Variants in FGF14 observed in about 807,000 individuals in gnomAD.
FGF14 encodes the protein fibroblast growth factor 14.
Under a neutral mutation model 25.5 loss-of-function variants are expected in FGF14, and 5 were observed. The observed-to-expected ratio is 0.20, with a 90% CI of 0.10 to 0.41. The LOEUF is 0.41. Among genes scored for constraint, FGF14 ranks in the 10% least tolerant of loss-of-function variants. FGF14 has a pLI of 1.00. For synonymous variants in FGF14, 138 were observed against 118.3 expected (o/e 1.17, Z -1.08); for missense variants, 222 against 320.1 (o/e 0.69, Z 2.34).
chr13:101,981,042 G>C (rs891564249), intron 1 of FGF14, among the ~76,000 whole-genome samples: 11 of 148,888 alleles, frequency 7.4e-5, no homozygotes, highest in Non-Finnish European at 1.6e-4. Flanking sequence ...AGGAGTTTCA[G>C]ACCAGCCTGG....
At chr13:102,094,841 C>T (rs1369181834) in intron 1 of FGF14, among the ~76,000 whole-genome samples, 4 of 152,060 alleles carry the variant, frequency 2.6e-5, no homozygotes, top group Non-Finnish European at 4.4e-5. Flanking sequence ...GACAATGCTC[C>T]GGCCACCTAG....
chr13:102,258,624 G>GGGTC (rs1485312459), intron 1 of FGF14, among the ~76,000 whole-genome samples: 1 of 152,136 alleles, frequency 6.6e-6, no homozygotes, highest in Non-Finnish European at 1.5e-5. Flanking sequence ...GGCAGCAGAT[G>GGGTC]GGTCGCTCCA....
intron 3 of FGF14, among the ~76,000 whole-genome samples, chr13:101,773,410 AT>A (rs373532957): frequency 0.015 from 2,178 of 149,622 alleles, 52 homozygotes; most frequent in African/African-American, 0.049. Flanking sequence ...ACTTGTGGGC[AT>A]TTTTTTTTTC....
chr13:101,975,830 T>A (rs2037888398), intron 1 of FGF14, among the ~76,000 whole-genome samples: 1 of 152,200 alleles, frequency 6.6e-6, no homozygotes, highest in Admixed American at 6.5e-5. Flanking sequence ...CATCACTATA[T>A]CCTGTTTTTG....
chr13:102,161,570 A>AAGAAGAAGAAGAAGAAAGAAGAAG, intron 1 of FGF14, among the ~76,000 whole-genome samples: 1 of 5,656 alleles, frequency 1.8e-4, no homozygotes, highest in Non-Finnish European at 2.4e-4. Context: ...TTCTGTGAAG[A>AAGAAGAAGAAGAAGAAAGAAGAAG]AAGAAAGAAG....
intron 1 of FGF14, among the ~76,000 whole-genome samples, chr13:101,923,673 A>C (rs2034165780): frequency 2.0e-5 from 3 of 152,088 alleles, no homozygotes; most frequent in African/African-American, 4.8e-5. Flanking sequence ...ATTTTCAAAA[A>C]CCAAGTGATT....
chr13:101,919,390 G>A (rs2033826247), upstream of FGF14, among the ~76,000 whole-genome samples: 1 of 151,442 alleles, frequency 6.6e-6, no homozygotes, highest in African/African-American at 2.4e-5. Flanking sequence ...AACACACCTA[G>A]TTTATTTTTA....
At chr13:102,165,705 C>T (rs1484211371) in intron 1 of FGF14, among the ~76,000 whole-genome samples, 1 of 147,558 alleles carries the variant, frequency 6.8e-6, no homozygotes, top group African/African-American at 2.5e-5. Flanking sequence ...AGGAGATATA[C>T]CTAATGCTAA....
intron 1 of FGF14, among the ~76,000 whole-genome samples, chr13:102,066,464 CAATT>C (rs1253822207): frequency 2.0e-5 from 3 of 152,118 alleles, no homozygotes; most frequent in African/African-American, 7.2e-5. Flanking sequence ...TCACCAAAGA[CAATT>C]AAAAGTAAGG....
At chr13:102,142,338 T>C (rs1009789179) in intron 1 of FGF14, among the ~76,000 whole-genome samples, 21 of 152,026 alleles carry the variant, frequency 1.4e-4, no homozygotes, top group Admixed American at 1.3e-4. Flanking sequence ...CACACAATAC[T>C]GTGCTTGAGT....
At chr13:101,846,253 T>C (rs2043453077) in intron 3 of FGF14, among the ~76,000 whole-genome samples, 2 of 151,952 alleles carry the variant, frequency 1.3e-5, no homozygotes, top group South Asian at 4.1e-4. Flanking sequence ...TTTTTTCCTA[T>C]GGGCATATCA....
intron 1 of FGF14, among the ~76,000 whole-genome samples, chr13:102,043,550 G>A (rs1182783958): frequency 1.3e-5 from 2 of 152,144 alleles, no homozygotes; most frequent in Non-Finnish European, 2.9e-5. Context: ...TCAAATTGGG[G>A]TATAACTCTA....
At chr13:101,964,618 C>T (rs1450216387) in intron 1 of FGF14, among the ~76,000 whole-genome samples, 2 of 152,168 alleles carry the variant, frequency 1.3e-5, no homozygotes, top group Non-Finnish European at 2.9e-5. Context: ...AGACTTGAGA[C>T]TCTTCCATGT....
chr13:101,723,485 A>G (rs1445935321), intron 4 of FGF14, among the ~76,000 whole-genome samples: 1 of 152,214 alleles, frequency 6.6e-6, no homozygotes, highest in East Asian at 1.9e-4. Flanking sequence ...ACTAGTGTCA[A>G]CTTCAAAGCT....
intron 1 of FGF14, among the ~76,000 whole-genome samples, chr13:102,210,378 G>T (rs1308257215): frequency 6.6e-6 from 1 of 152,062 alleles, no homozygotes; most frequent in African/African-American, 2.4e-5. Flanking sequence ...GTAGTTTCCA[G>T]ATATAATCAT....
chr13:102,204,645 C>T (rs2049823367), intron 1 of FGF14, among the ~76,000 whole-genome samples: 1 of 152,128 alleles, frequency 6.6e-6, no homozygotes, highest in African/African-American at 2.4e-5. Context: ...CTCCCAGGTT[C>T]AAGCAATTCT....
chr13:101,994,724 C>T lies in FGF14; in HGVS notation c.209-119428G>A, dbSNP rs147173701. 2.0e-3 allele frequency among the ~76,000 whole-genome samples: 311 copies of T among 152,090 alleles called. 1 individual carries two copies. The highest frequency in any genetic ancestry group is 7.2e-3 in the African/African-American group (300 of 41,526). On this transcript the variant is annotated intron_variant, in intron 1 of 4. Coordinates refer to the FGF14 transcript ENST00000376131. ...AGTAGCATGCAAAATTAAATATGAG[C>T]TAATATAAACACATTCTGCTAAATT...
At chr13:101,967,609 T>A (rs1446250303) in intron 1 of FGF14, 1 of 153,108 alleles carries the variant, frequency 6.5e-6, no homozygotes, top group African/African-American at 2.4e-5. Context: ...TCTCATTGAT[T>A]CCTCTAATCA....
chr13:101,926,883 C>T (rs1278741241), intron 1 of FGF14, among the ~76,000 whole-genome samples: 3 of 152,162 alleles, frequency 2.0e-5, no homozygotes, highest in African/African-American at 4.8e-5. Context: ...TTGACACTGA[C>T]TGCAAATGGA....
Sources: gnomAD v4.1 joint callset for allele counts (sites outside exome capture counted in the v4.1 genomes callset) on GRCh38, gnomAD v4.1.1 for gene constraint, MANE v1.5 for transcripts, NCBI Gene and HGNC (gene_info 2026-07-23, HGNC 2026-07-21) for gene names.